Variants in CPS1 observed in about 807,000 individuals in gnomAD.
The protein encoded by CPS1 is carbamoyl-phosphate synthase 1.
A neutral mutation model predicts 174.6 loss-of-function variants in CPS1; 109 were observed. That is an observed-to-expected ratio of 0.62 (90% CI 0.53 to 0.73). The LOEUF (loss-of-function observed/expected upper bound fraction) is 0.73, where lower values mean the gene tolerates loss of function less well. Ranked by LOEUF, CPS1 falls within the 30% of genes least tolerant of loss-of-function variation. The probability of loss-of-function intolerance (pLI) is 0.00; values close to 1 mark genes in which losing one functional copy is unlikely to be tolerated. For missense variants in CPS1, 1,689 were observed against 1,821.9 expected (o/e 0.93, Z 1.33); for synonymous variants, 637 against 632.0 (o/e 1.01, Z -0.12).
chr2:210,507,153 A>C (rs920595718), intron 1 of CPS1, among the ~76,000 whole-genome samples: 9 of 152,376 alleles, frequency 5.9e-5, no homozygotes, highest in Middle Eastern at 3.4e-3. Context: ...CATAAAGGGA[A>C]GCCTATCAGA....
At chr2:210,595,634 A>G in intron 13 of CPS1, 52 bp downstream of exon 13, 2 of 1,205,428 alleles carry the variant, frequency 1.7e-6, no homozygotes, top group Non-Finnish European at 1.2e-6. Context: ...TAATGAGTCT[A>G]ATTAGTATTT....
chr2:210,676,860 C>T (rs1396384035), intron 36 of CPS1, 147 bp from the exon 37 acceptor site: 1 of 702,702 alleles, frequency 1.4e-6, no homozygotes, highest in Non-Finnish European at 2.5e-6. Context: ...GTAATTTAAA[C>T]ATCTACTTAG....
intron 1 of CPS1, among the ~76,000 whole-genome samples, chr2:210,489,363 A>G (rs1694808083): frequency 6.6e-6 from 1 of 152,218 alleles, no homozygotes; most frequent in Admixed American, 6.5e-5. Context: ...TTCAGAGGAC[A>G]GAGCAAATCT....
rs115913218 is a variant in CPS1 at position 210,675,315 on chromosome 2, A to G, written c.4161+354A>G. 4.4e-3 allele frequency among the ~76,000 whole-genome samples: 676 copies of G among 152,292 alleles called. 6 individuals carry two copies. Among genetic ancestry groups the G allele is most frequent in the African/African-American group, 0.016 (657 of 41,564 alleles). The stretch of plus-strand genomic sequence containing the variant: ...TACAGGCAAAACTTCTTTGCAGTGA[A>G]TACCTCCACACAAAGCCTGGTTGAG... On this transcript the variant is annotated intron_variant, in intron 35 of 37. Transcript: ENST00000233072.
rs750670270 is a variant in CPS1, at chr2:210,660,513, G to A, written c.3785G>A (p.Arg1262Gln). Reference protein sequence around the residue: ...LVIECNLRASRSFPFVSKTLG... With the variant: ...LVIECNLRASQSFPFVSKTLG... ...ATTGAGTGTAACTTGAGAGCTTCTC[G>A]ATCCTTCCCCTTTGTTTCCAAGACT... The change falls in exon 32 of 38, where the codon CGA (arginine) becomes CAA (glutamine). Residue 1262 changes from arginine (R) to glutamine (Q), a missense_variant. Arg to Gln is a conservative substitution (Grantham distance 43). Coordinates refer to ENST00000233072, the MANE Select transcript of CPS1 (RefSeq NM_001875.5). The A allele has an allele frequency of 7.4e-6, 12 of 1,613,906 alleles. No homozygotes were observed. Among genetic ancestry groups the A allele is most frequent in the Non-Finnish European group, 7.6e-6 (9 of 1,179,982 alleles).
rs559410907 is a variant in CPS1 at position 210,615,618 on chromosome 2, G to C, written c.2569-805G>C. Among the ~76,000 whole-genome samples the C allele has an allele frequency of 3.9e-5, 6 of 152,056 alleles. No homozygotes were observed. The South Asian group carries it at 8.3e-4, about 21-fold the overall frequency. Reference sequence around the variant, plus strand: ...TACACATACACACATACAAGAATAAGAGTAGACATCTTTTTGTATAAAGAT... The same window carrying C: ...TACACATACACACATACAAGAATAACAGTAGACATCTTTTTGTATAAAGAT... On this transcript the variant is annotated intron_variant, in intron 20 of 37. Coordinates refer to ENST00000233072, the MANE Select transcript of CPS1 (RefSeq NM_001875.5).
At chr2:210,651,734 G>A (rs1422617329) in intron 28 of CPS1, among the ~76,000 whole-genome samples, 2 of 152,178 alleles carry the variant, frequency 1.3e-5, no homozygotes, top group African/African-American at 4.8e-5. Flanking sequence ...ACAGTTCAAT[G>A]TTCCCTATCA....
chr2:210,614,941 G>A (rs1355770467), intron 20 of CPS1, among the ~76,000 whole-genome samples: 1 of 151,838 alleles, frequency 6.6e-6, no homozygotes, highest in Non-Finnish European at 1.5e-5. Context: ...GTAGATGACA[G>A]GTTGATGGGT....
rs924352140 is a variant in CPS1, at chr2:210,614,552, C to T, written c.2569-1871C>T. ...GTATTCCTATTTCTCAGCATCCTCTCCAGGATCTGTTGTTTCCTGAATTTT... is the reference window on the plus strand; with the variant it reads ...GTATTCCTATTTCTCAGCATCCTCTTCAGGATCTGTTGTTTCCTGAATTTT... On this transcript the variant is annotated intron_variant, in intron 20 of 37. Transcript: ENST00000233072. Among the ~76,000 whole-genome samples the T allele has an allele frequency of 1.2e-4, 18 of 152,076 alleles. No homozygotes were observed. In the South Asian group the frequency reaches 3.7e-3, roughly 32 times the overall value.
chr2:210,586,406 T>C (rs550511393), intron 6 of CPS1, among the ~76,000 whole-genome samples: 1 of 152,226 alleles, frequency 6.6e-6, no homozygotes, highest in East Asian at 1.9e-4. Flanking sequence ...GTGAAATGAT[T>C]TAGTTTGAAA....
intron 18 of CPS1, 37 bp from the exon 19 acceptor site, chr2:210,608,324 T>C (rs371386211): frequency 1.3e-6 from 2 of 1,597,790 alleles, no homozygotes; most frequent in Non-Finnish European, 1.7e-6. Context: ...CAATAATTGC[T>C]CGAAGAAAAA....
At chr2:210,614,937 G>T (rs1559107956) in intron 20 of CPS1, among the ~76,000 whole-genome samples, 1 of 151,880 alleles carries the variant, frequency 6.6e-6, no homozygotes, top group Non-Finnish European at 1.5e-5. Flanking sequence ...TAATGTAGAT[G>T]ACAGGTTGAT....
chr2:210,543,375 G>C (rs1696482350), intron 1 of CPS1, among the ~76,000 whole-genome samples: 1 of 151,894 alleles, frequency 6.6e-6, no homozygotes, highest in Non-Finnish European at 1.5e-5. Flanking sequence ...GATCTCTCCT[G>C]ATAATCTCCC....
chr2:210,628,858 A>G (rs1294682348), intron 21 of CPS1, among the ~76,000 whole-genome samples: 2 of 152,162 alleles, frequency 1.3e-5, no homozygotes, highest in Non-Finnish European at 2.9e-5. Flanking sequence ...CTAGAAGTCA[A>G]AGAAAGATAT....
chr2:210,567,616 AATT>A (rs1392059306), intron 1 of CPS1, among the ~76,000 whole-genome samples: 1 of 152,160 alleles, frequency 6.6e-6, no homozygotes, highest in African/African-American at 2.4e-5. Context: ...TAACATAGGT[AATT>A]ATTAATATTA....
At chr2:210,523,383 T>C (rs1396816495) in intron 1 of CPS1, among the ~76,000 whole-genome samples, 4 of 152,014 alleles carry the variant, frequency 2.6e-5, no homozygotes, top group African/African-American at 7.2e-5. Flanking sequence ...TAATGTATTT[T>C]GTATTAATTT....
At chr2:210,534,447 G>T (rs1166047002) in intron 1 of CPS1, among the ~76,000 whole-genome samples, 3 of 152,184 alleles carry the variant, frequency 2.0e-5, no homozygotes, top group Non-Finnish European at 1.5e-5. Context: ...ATATATTGCT[G>T]TGGGCCAGAT....
chr2:210,614,667 A>C (rs1204120353), intron 20 of CPS1, among the ~76,000 whole-genome samples: 1 of 151,978 alleles, frequency 6.6e-6, no homozygotes, highest in Non-Finnish European at 1.5e-5. Context: ...TGAGCTTTTA[A>C]ATGTGGCACA....
At chr2:210,486,406 T>A (rs1240300518) in intron 1 of CPS1, among the ~76,000 whole-genome samples, 1 of 152,182 alleles carries the variant, frequency 6.6e-6, no homozygotes, top group Non-Finnish European at 1.5e-5. Flanking sequence ...CTCACAGAAG[T>A]ACACGTGCCC....
Sources: allele counts gnomAD v4.1 joint callset (sites outside exome capture counted in the v4.1 genomes callset), GRCh38; gene constraint gnomAD v4.1.1; transcripts MANE v1.5; gene names NCBI Gene and HGNC (gene_info 2026-07-23, HGNC 2026-07-21).